The following UBE2V2 variants were observed in gnomAD, a reference collection of about 807,000 sequenced individuals.
UBE2V2 encodes the protein ubiquitin-conjugating enzyme E2 variant 2.
Under a neutral mutation model 17.2 loss-of-function variants are expected in UBE2V2, and 9 were observed. The observed-to-expected ratio is 0.52, with a 90% CI of 0.32 to 0.91. The LOEUF (loss-of-function observed/expected upper bound fraction) is 0.91. Among genes scored for constraint, UBE2V2 ranks in the 40% least tolerant of loss-of-function variants. The pLI, the probability that UBE2V2 is intolerant of heterozygous loss-of-function variation, is 0.04. For synonymous variants in UBE2V2, 61 were observed against 57.5 expected, an observed-to-expected ratio of 1.06 and a Z score of -0.28; for missense variants, 133 against 182.6, an observed-to-expected ratio of 0.73 and a Z score of 1.56.
chr8:48,043,737 A>G (rs1163441572), intron 2 of UBE2V2: 1 of 152,082 alleles, frequency 6.6e-6, no homozygotes, highest in Non-Finnish European at 1.5e-5. Context: ...GCATGTTGCT[A>G]TTTGCCCTCT....
intron 1 of UBE2V2, among the ~76,000 whole-genome samples, chr8:48,010,149 T>G (rs973766403): frequency 6.6e-5 from 10 of 152,198 alleles, no homozygotes; most frequent in Non-Finnish European, 1.3e-4. Context: ...AAATACTTTT[T>G]GTTAATCACT....
At chr8:48,038,695 G>A (rs944853648) in intron 1 of UBE2V2, among the ~76,000 whole-genome samples, 6 of 152,080 alleles carry the variant, frequency 3.9e-5, no homozygotes, top group African/African-American at 9.7e-5. Context: ...TGGCCAGGCT[G>A]GTCTCGAACT....
intron 3 of UBE2V2, among the ~76,000 whole-genome samples, chr8:48,059,483 A>G (rs1177137039): frequency 2.6e-5 from 4 of 151,466 alleles, no homozygotes; most frequent in Non-Finnish European, 4.4e-5. Context: ...GTCTCGGCTC[A>G]CTGCAGCCTC....
Position 48,010,724 on chromosome 8 carries a change from C to T in UBE2V2, c.16+2254C>T, listed in dbSNP as rs535149954. On this transcript the variant is annotated intron_variant, in intron 1 of 3. Coordinates refer to ENST00000523111, the MANE Select transcript of UBE2V2 (RefSeq NM_003350.3). ...TTTTTTTTTTTTTTTGAGACTGAGTCTCTCGCTTCTTTGCCCAGGCTGGAG... is the reference window on the plus strand; with the variant it reads ...TTTTTTTTTTTTTTTGAGACTGAGTTTCTCGCTTCTTTGCCCAGGCTGGAG... 1.6e-4 allele frequency among the ~76,000 whole-genome samples: 18 copies of T among 111,190 alleles called. No individual in the cohort carries two copies. In the South Asian group the frequency reaches 5.1e-3, roughly 31 times the overall value. The allele number at this position is 111,190 out of a possible 152,430, so 72.9% of individuals were successfully genotyped here.
At chr8:48,013,617 A>G (rs1314579564) in intron 1 of UBE2V2, among the ~76,000 whole-genome samples, 1 of 152,050 alleles carries the variant, frequency 6.6e-6, no homozygotes, top group African/African-American at 2.4e-5. Context: ...CCCACATGAA[A>G]CGTTTTACAT....
At chr8:48,010,399 GTT>G (rs934421477) in intron 1 of UBE2V2, among the ~76,000 whole-genome samples, 25 of 122,990 alleles carry the variant, frequency 2.0e-4, no homozygotes, top group African/African-American at 4.5e-4. Context: ...CCATCTACTA[GTT>G]TTTTTTTTTT....
the UBE2V2 span, among the ~76,000 whole-genome samples, chr8:48,002,002 T>C: frequency 2.0e-5 from 3 of 151,730 alleles, no homozygotes; most frequent in African/African-American, 7.3e-5. Flanking sequence ...GGCAGGAGAA[T>C]CGCTTGAACC....
At chr8:48,026,993 C>CT (rs1269279804) in intron 1 of UBE2V2, among the ~76,000 whole-genome samples, 2 of 151,962 alleles carry the variant, frequency 1.3e-5, no homozygotes, top group South Asian at 2.1e-4. Flanking sequence ...AGGGAGACTT[C>CT]TTTTTTTTCG....
chr8:48,062,291 A>C lies in UBE2V2; in HGVS notation c.*1463A>C, dbSNP rs529936716. 2.0e-5 allele frequency: 3 copies of C among 152,320 alleles called. No individual in the cohort carries two copies. The highest frequency in any genetic ancestry group is 4.1e-4 in the South Asian group (2 of 4,828). 9.4% of individuals were successfully genotyped at this position (152,320 alleles called of 1,614,324 possible). On this transcript the variant is annotated 3_prime_UTR_variant, in exon 4 of 4. Coordinates refer to ENST00000523111, the MANE Select transcript of UBE2V2 (RefSeq NM_003350.3). ...TTATCAAATATTAAATTAGTTGTTT[A>C]AACTTTGCTTATAAAGTATTGGCCA...
chr8:48,041,241 G>T (rs1264842063), intron 1 of UBE2V2, among the ~76,000 whole-genome samples: 2 of 149,418 alleles, frequency 1.3e-5, no homozygotes, highest in African/African-American at 2.5e-5. Flanking sequence ...GTGCGATCTC[G>T]GCTCACTGCA....
chr8:48,020,980 CAA>C (rs2091300802), intron 1 of UBE2V2, among the ~76,000 whole-genome samples: 2 of 151,508 alleles, frequency 1.3e-5, no homozygotes, highest in African/African-American at 4.8e-5. Flanking sequence ...CTCCTGGCCT[CAA>C]GTGCTTCTCC....
At chr8:48,053,002 G>T (rs1464476010) in intron 3 of UBE2V2, among the ~76,000 whole-genome samples, 1 of 152,130 alleles carries the variant, frequency 6.6e-6, no homozygotes, top group African/African-American at 2.4e-5. Context: ...CATCTCCTGG[G>T]TTTAAGTGAT....
chr8:48,008,608 T>C lies in UBE2V2; in HGVS notation c.16+138T>C, dbSNP rs1589846466. ...CGAATGCCGCGCTCTCCGCAGAGCG[T>C]AGCCTGGGACCGGGTGGGACCGGCG... On this transcript the variant is annotated intron_variant, in intron 1 of 3. Transcript: ENST00000523111. 5.3e-6 allele frequency: 7 copies of C among 1,310,026 alleles called. No homozygotes were observed. In the East Asian group the frequency reaches 2.3e-4, roughly 43 times the overall value. 81.2% of individuals were successfully genotyped at this position (1,310,026 alleles called of 1,614,324 possible).
At position 48,064,084 on chromosome 8, in the gene UBE2V2, A is replaced by T. The variant is rs951142296; in HGVS notation, c.*3256A>T. On this transcript the variant is annotated 3_prime_UTR_variant, in exon 4 of 4. Transcript: ENST00000523111. ...AACTGTATCAACTCTTTTAATGAGC[A>T]TGTGACTGTATTAGGTACATTTTGA... 2.6e-5 allele frequency: 4 copies of T among 152,232 alleles called. No individual in the cohort carries two copies. The highest frequency in any genetic ancestry group is 7.2e-5 in the African/African-American group (3 of 41,460). The allele number at this position is 152,232 out of a possible 1,614,324, so 9.4% of individuals were successfully genotyped here. A position where few individuals can be genotyped will look rare whatever the true frequency, so the allele number is the denominator to read the frequency against.
At chr8:48,034,978 C>T (rs1349423864) in intron 1 of UBE2V2, 8 of 976,238 alleles carry the variant, frequency 8.2e-6, no homozygotes, top group East Asian at 2.3e-4. Context: ...CCTCACATCC[C>T]GGTGGTGTCA....
At chr8:48,019,321 G>GGCACT (rs1171070925) in intron 1 of UBE2V2, among the ~76,000 whole-genome samples, 1 of 152,040 alleles carries the variant, frequency 6.6e-6, no homozygotes. Context: ...CCGAGATCAC[G>GGCACT]GCACTGCACT....
At chr8:48,047,929 T>G (rs1354699788) in intron 2 of UBE2V2, among the ~76,000 whole-genome samples, 2 of 151,846 alleles carry the variant, frequency 1.3e-5, no homozygotes, top group Non-Finnish European at 2.9e-5. Context: ...TGGATTAGAT[T>G]AATAGGCTAG....
intron 2 of UBE2V2, among the ~76,000 whole-genome samples, chr8:48,044,677 G>T (rs1477288139): frequency 2.0e-5 from 3 of 151,854 alleles, no homozygotes; most frequent in Admixed American, 2.0e-4. Context: ...CATATGACTT[G>T]GTATATATAA....
In UBE2V2 at chr8:48,057,146, A is replaced by T. The variant is rs535161880; in HGVS notation, c.292-3536A>T. Among the ~76,000 whole-genome samples the T allele has an allele frequency of 2.0e-5, 3 of 152,336 alleles. No individual in the cohort carries two copies. In the East Asian group the frequency reaches 5.8e-4, roughly 29 times the overall value. ...AGCCTGTTCATTTCTGCAAGCAAGA[A>T]AAAAGCAGTTGAAATTTTAATAGGA... is the stretch of plus-strand genomic sequence containing the variant. On this transcript the variant is annotated intron_variant, in intron 3 of 3. Coordinates refer to ENST00000523111, the MANE Select transcript of UBE2V2 (RefSeq NM_003350.3).
Sources: allele counts gnomAD v4.1 joint callset (sites outside exome capture counted in the v4.1 genomes callset), GRCh38; gene constraint gnomAD v4.1.1; transcripts MANE v1.5; gene names NCBI Gene and HGNC (gene_info 2026-07-23, HGNC 2026-07-21).